Variants in RAD9B observed in about 807,000 individuals in gnomAD.
The protein encoded by RAD9B is RAD9 checkpoint clamp component B.
In RAD9B, 41 loss-of-function variants were observed where a neutral mutation model predicts 48.3. The observed-to-expected ratio is 0.85, with a 90% CI of 0.66 to 1.10. The LOEUF is 1.10. Ranked by LOEUF, RAD9B falls within the 50% of genes least tolerant of loss-of-function variation. RAD9B has a pLI of 0.00. For missense variants in RAD9B, 444 were observed against 485.1 expected (o/e 0.92, Z 0.80); for synonymous variants, 160 against 157.9 (o/e 1.01, Z -0.10).
At position 110,506,677 on chromosome 12, in the gene RAD9B, ATTC is replaced by A. The variant is rs956231543; in HGVS notation, c.377_379del (p.Phe126del). 5.3e-6 allele frequency: 8 copies of A among 1,512,248 alleles called. No individual in the cohort carries two copies. Among genetic ancestry groups the A allele is most frequent in the Non-Finnish European group, 7.3e-6 (8 of 1,088,680 alleles). The allele number at this position is 1,512,248 out of a possible 1,614,324, so 93.7% of individuals were successfully genotyped here. ...CTGATAAATGCAAAGTAGTTATTCA[ATTC>A]TTCTACAGACATGGTAGGTATAATT... On this transcript the variant is annotated inframe_deletion, in exon 4 of 11. Transcript: ENST00000409300.
intron 3 of RAD9B, 72 bp from the exon 4 acceptor site, chr12:110,506,507 T>C: frequency 8.7e-6 from 7 of 807,494 alleles, no homozygotes. Flanking sequence ...CATTTATGAA[T>C]GCATATACTT....
At chr12:110,526,197 AT>A (rs1341812373) in intron 10 of RAD9B, among the ~76,000 whole-genome samples, 2 of 152,164 alleles carry the variant, frequency 1.3e-5, no homozygotes, top group African/African-American at 4.8e-5. Context: ...GGGCATCAAA[AT>A]AGGGACAATA....
chr12:110,513,257 CACGCCCTGCCATTACA>C (rs1464523195), intron 5 of RAD9B, among the ~76,000 whole-genome samples: 1 of 151,052 alleles, frequency 6.6e-6, no homozygotes, highest in African/African-American at 2.5e-5. Context: ...CGTGAGCCAC[CACGCCCTGCCATTACA>C]TTTTTTTTTT....
At chr12:110,503,413 C>G (rs1014487213) in intron 1 of RAD9B, 3 of 180,092 alleles carry the variant, frequency 1.7e-5, no homozygotes, top group African/African-American at 7.2e-5. Flanking sequence ...TGTGACTTGG[C>G]TATCAAGCTA....
intron 10 of RAD9B, among the ~76,000 whole-genome samples, chr12:110,529,589 G>GAA (rs1320305977): frequency 7.0e-6 from 1 of 142,448 alleles, no homozygotes; most frequent in Non-Finnish European, 1.5e-5. Context: ...GGTCTTTACG[G>GAA]AAAAAAAAAA....
intron 1 of RAD9B, 46 bp downstream of exon 1, chr12:110,502,429 G>T (rs757625600): frequency 2.5e-6 from 4 of 1,601,468 alleles, no homozygotes; most frequent in Non-Finnish European, 3.4e-6. Flanking sequence ...GAGAAAAGCA[G>T]ACGTTAATAG....
At chr12:110,530,252 A>G (rs899144440) in intron 10 of RAD9B, among the ~76,000 whole-genome samples, 21 of 152,110 alleles carry the variant, frequency 1.4e-4, no homozygotes, top group African/African-American at 4.8e-4. Context: ...TCACCATGTT[A>G]GTCAGGATGG....
At position 110,502,404 on chromosome 12, in the gene RAD9B, T is replaced by G. The variant is rs1173539706; in HGVS notation, c.46+21T>G. 3.1e-6 allele frequency: 5 copies of G among 1,612,818 alleles called. No homozygotes were observed. The African/African-American group carries it at 6.7e-5, about 22-fold the overall frequency. On this transcript the variant is annotated intron_variant, in intron 1 of 10. Coordinates refer to ENST00000409300, the MANE Select transcript of RAD9B (RefSeq NM_001286535.2). ...GAAAGGTGGAGCGGCCTTTGTTGTC[T>G]TCCCATTTAGCAGAGAGAAAAGCAG...
chr12:110,513,468 A>C (rs2063521774), intron 5 of RAD9B, among the ~76,000 whole-genome samples: 1 of 151,984 alleles, frequency 6.6e-6, no homozygotes, highest in Non-Finnish European at 1.5e-5. Context: ...TGAATCTTAA[A>C]ACACAGAGCT....
intron 4 of RAD9B, 66 bp downstream of exon 4, chr12:110,506,759 A>G: frequency 2.5e-6 from 2 of 789,338 alleles, no homozygotes; most frequent in East Asian, 2.6e-5. Context: ...TGTTTAGAAC[A>G]TTGATATTTC....
In RAD9B at chr12:110,515,164, T is replaced by G; in HGVS notation, c.595+8T>G. 10 of 1,435,138 alleles carry G rather than the reference T, an allele frequency of 7.0e-6. No homozygotes were observed. The highest frequency in any genetic ancestry group is 9.6e-6 in the Non-Finnish European group (10 of 1,040,874). 88.9% of individuals were successfully genotyped at this position (1,435,138 alleles called of 1,614,324 possible). On this transcript the variant is annotated splice_region_variant and intron_variant, in intron 6 of 10. Transcript: ENST00000409300. The stretch of plus-strand genomic sequence containing the variant: ...CTAATGAGGAATCAATGGGTAAAGA[T>G]TGTATCTGAAATGGTGTTTTGATGG...
intron 9 of RAD9B, among the ~76,000 whole-genome samples, chr12:110,520,685 C>A: frequency 8.3e-6 from 1 of 120,312 alleles, no homozygotes; most frequent in Non-Finnish European, 1.6e-5. Flanking sequence ...GAATCTCACT[C>A]TGTTGCCCAG....
intron 4 of RAD9B, chr12:110,511,639 A>G (rs532681501): frequency 2.0e-5 from 5 of 250,168 alleles, no homozygotes; most frequent in Middle Eastern, 5.8e-4. Context: ...GGTAGAAGGA[A>G]TAAGTTCTAA....
chr12:110,506,272 T>G (rs2063263691), intron 3 of RAD9B, among the ~76,000 whole-genome samples: 1 of 151,444 alleles, frequency 6.6e-6, no homozygotes, highest in Non-Finnish European at 1.5e-5. Flanking sequence ...CACTGCAAGC[T>G]CTGCCTCCCG....
intron 7 of RAD9B, 44 bp downstream of exon 7, chr12:110,518,826 T>TA: frequency 1.9e-6 from 3 of 1,568,352 alleles, no homozygotes; most frequent in Non-Finnish European, 2.6e-6. Context: ...ATTTTCACTG[T>TA]AAGTTTTTAT....
chr12:110,522,236 T>C lies in RAD9B; in HGVS notation c.950T>C (p.Ile317Thr), dbSNP rs143029596. The part of the protein sequence containing the change: ...KNVTGQALEC[I>T]SKKAAPRRLY... ...GTAACTGGCCAGGCCCTGGAATGTATTTCAAAAAAAGCAGCACCAAGAAGG... is the reference window on the plus strand; with the variant it reads ...GTAACTGGCCAGGCCCTGGAATGTACTTCAAAAAAAGCAGCACCAAGAAGG... The change falls in exon 10 of 11, where the codon ATT becomes ACT. Residue 317 changes from isoleucine (I) to threonine (T), a missense_variant. By Grantham distance (89) the Ile-to-Thr change is moderately conservative. Transcript: ENST00000409300. 1,748 of 1,609,604 alleles carry C rather than the reference T, an allele frequency of 1.1e-3. 26 individuals are homozygous for C. The African/African-American group carries it at 0.021, about 19-fold the overall frequency.
chr12:110,527,683 G>T (rs543631988), intron 10 of RAD9B, among the ~76,000 whole-genome samples: 1 of 152,304 alleles, frequency 6.6e-6, no homozygotes, highest in South Asian at 2.1e-4. Context: ...ACTAGAGCGG[G>T]TATCACGTAT....
chr12:110,509,971 T>A (rs1282027672), intron 4 of RAD9B, among the ~76,000 whole-genome samples: 1 of 152,208 alleles, frequency 6.6e-6, no homozygotes, highest in Non-Finnish European at 1.5e-5. Context: ...AAATATTTTT[T>A]AAATACGTAA....
intron 4 of RAD9B, among the ~76,000 whole-genome samples, chr12:110,511,855 C>CTTT (rs956472037): frequency 2.0e-5 from 3 of 148,676 alleles, no homozygotes; most frequent in Non-Finnish European, 4.5e-5. Flanking sequence ...TACATTTTTT[C>CTTT]TTTTTTTTTT....
Sources: allele counts gnomAD v4.1 joint callset (sites outside exome capture counted in the v4.1 genomes callset), GRCh38; gene constraint gnomAD v4.1.1; transcripts MANE v1.5; gene names NCBI Gene and HGNC (gene_info 2026-07-23, HGNC 2026-07-21).